The following RB1 variants were observed in gnomAD, a reference collection of about 807,000 sequenced individuals.
RB1 encodes RB transcriptional corepressor 1, also known as retinoblastoma-associated protein.
RB1 carries 18 observed loss-of-function variants against 135.4 expected under a neutral mutation model. The observed-to-expected ratio is 0.13, with a 90% confidence interval of 0.09 to 0.20. RB1 has a LOEUF of 0.20. Ranked by LOEUF, RB1 falls within the 10% of genes least tolerant of loss-of-function variation. The pLI, the probability that RB1 is intolerant of heterozygous loss-of-function variation, is 1.00. For missense variants in RB1, 868 were observed against 1,110.0 expected (o/e 0.78, Z 3.10); for synonymous variants, 365 against 373.2 (o/e 0.98, Z 0.25).
chr13:48,346,540 A>AT (rs1336088956), intron 4 of RB1, among the ~76,000 whole-genome samples: 2 of 194 alleles, frequency 0.01, no homozygotes, highest in African/African-American at 0.04. Flanking sequence ...GTTGCTTTAG[A>AT]GTTTTTTTGG....
chr13:48,395,255 A>G (rs55761026), intron 17 of RB1, among the ~76,000 whole-genome samples: 68,685 of 152,098 alleles, frequency 0.45, 19,044 homozygotes, highest in Middle Eastern at 0.6. Flanking sequence ...CATCAACATC[A>G]AAGACCAAAG....
chr13:48,336,810 T>C (rs1163552667), intron 2 of RB1, among the ~76,000 whole-genome samples: 10 of 152,108 alleles, frequency 6.6e-5, no homozygotes, highest in Non-Finnish European at 1.5e-4. Context: ...CTTTCTCTTG[T>C]GGGCATTTAG....
At chr13:48,441,787 T>C (rs1949239581) in intron 17 of RB1, among the ~76,000 whole-genome samples, 1 of 152,150 alleles carries the variant, frequency 6.6e-6, no homozygotes, top group South Asian at 2.1e-4. Context: ...TAGATTCCCA[T>C]TGGCAAAAAC....
chr13:48,480,083 C>A lies in RB1; in HGVS notation c.*12C>A, dbSNP rs1182513365. On this transcript the variant is annotated 3_prime_UTR_variant, in exon 27 of 27. Transcript: ENST00000267163. ...AGGAAGAGAAATGAGGATCTCAGGACCTTGGTGGACACTGTGTACACCTCT... is the reference window on the plus strand; with the variant it reads ...AGGAAGAGAAATGAGGATCTCAGGAACTTGGTGGACACTGTGTACACCTCT... The A allele has an allele frequency of 2.5e-6, 4 of 1,597,894 alleles. No individual in the cohort carries two copies. The highest frequency in any genetic ancestry group is 3.4e-6 in the Non-Finnish European group (4 of 1,165,974).
At chr13:48,425,908 G>C (rs1030910655) in intron 17 of RB1, among the ~76,000 whole-genome samples, 1 of 152,166 alleles carries the variant, frequency 6.6e-6, no homozygotes, top group African/African-American at 2.4e-5. Flanking sequence ...GTTGTGACTT[G>C]CTTAGGATTA....
At chr13:48,393,113 G>A (rs1175357593) in intron 17 of RB1, among the ~76,000 whole-genome samples, 3 of 152,054 alleles carry the variant, frequency 2.0e-5, no homozygotes, top group Admixed American at 2.0e-4. Context: ...AACTCTTCCT[G>A]ACCCTGTGTC....
At chr13:48,386,871 G>A (rs968214619) in intron 17 of RB1, among the ~76,000 whole-genome samples, 4 of 152,064 alleles carry the variant, frequency 2.6e-5, no homozygotes, top group Non-Finnish European at 2.9e-5. Flanking sequence ...AATCATTCAC[G>A]GGTAAGATAT....
intron 17 of RB1, chr13:48,408,785 C>A (rs937586082): frequency 4.6e-5 from 7 of 151,990 alleles, no homozygotes; most frequent in Non-Finnish European, 2.9e-5. Flanking sequence ...CAAGAGACAC[C>A]AAAAAGTTTC....
chr13:48,364,753 A>G (rs1286896937), intron 8 of RB1, 141 bp from the exon 9 acceptor site: 1 of 965,896 alleles, frequency 1.0e-6, no homozygotes, highest in African/African-American at 1.7e-5. Context: ...TAAGAAAATA[A>G]TAAAAAATAA....
At chr13:48,429,981 A>G (rs1949113259) in intron 17 of RB1, among the ~76,000 whole-genome samples, 2 of 152,262 alleles carry the variant, frequency 1.3e-5, no homozygotes, top group Non-Finnish European at 1.5e-5. Context: ...ATGCCAATCC[A>G]GTAAAAATCT....
chr13:48,395,674 AT>A (rs1948642281), intron 17 of RB1, among the ~76,000 whole-genome samples: 1 of 152,148 alleles, frequency 6.6e-6, no homozygotes, highest in South Asian at 2.1e-4. Context: ...TGATGACAAG[AT>A]TAGAGAAAAA....
intron 17 of RB1, among the ~76,000 whole-genome samples, chr13:48,447,525 A>G (rs1005288125): frequency 1.1e-4 from 16 of 152,212 alleles, no homozygotes; most frequent in African/African-American, 3.6e-4. Context: ...CCATAATAAT[A>G]TCAAATATTA....
chr13:48,327,240 A>G (rs1445860952), intron 2 of RB1, among the ~76,000 whole-genome samples: 2 of 152,082 alleles, frequency 1.3e-5, no homozygotes. Flanking sequence ...ATACTTAAGC[A>G]ATATGTACAT....
chr13:48,423,878 T>G (rs1949043418), intron 17 of RB1: 1 of 152,190 alleles, frequency 6.6e-6, no homozygotes, highest in African/African-American at 2.4e-5. Context: ...CACCTATGAA[T>G]AGCCACAGCA....
rs1280947578 is a variant in RB1, at chr13:48,397,761, T to G, written c.1695+16318T>G. On this transcript the variant is annotated intron_variant, in intron 17 of 26. Coordinates refer to ENST00000267163, the MANE Select transcript of RB1 (RefSeq NM_000321.3). ...ATAGCCCATAGTTTTAGAGTCCTGA[T>G]TCATTGACAAACTTATAAACAAAAT... Among the ~76,000 whole-genome samples the G allele has an allele frequency of 2.6e-5, 4 of 152,338 alleles. No individual in the cohort carries two copies. The East Asian group carries it at 7.7e-4, about 29-fold the overall frequency.
chr13:48,426,695 C>G (rs896531429), intron 17 of RB1: 1 of 152,218 alleles, frequency 6.6e-6, no homozygotes, highest in Non-Finnish European at 1.5e-5. Context: ...AGCAGGAACT[C>G]GAATCCTAGT....
intron 24 of RB1, among the ~76,000 whole-genome samples, chr13:48,474,826 A>T (rs1949494247): frequency 6.6e-6 from 1 of 152,166 alleles, no homozygotes; most frequent in Non-Finnish European, 1.5e-5. Flanking sequence ...CTAATTCAGC[A>T]GTCCCATATT....
At chr13:48,410,915 A>G (rs1344520730) in intron 17 of RB1, 1 of 152,590 alleles carries the variant, frequency 6.6e-6, no homozygotes, top group East Asian at 1.9e-4. Flanking sequence ...CTCCCAAAAC[A>G]TTTATTTCAA....
intron 17 of RB1, among the ~76,000 whole-genome samples, chr13:48,425,411 G>A (rs974990395): frequency 6.6e-6 from 1 of 152,180 alleles, no homozygotes. Flanking sequence ...TACAATATAT[G>A]CCTTGTGGCA....
Sources: allele counts gnomAD v4.1 joint callset (sites outside exome capture counted in the v4.1 genomes callset), GRCh38; gene constraint gnomAD v4.1.1; transcripts MANE v1.5; gene names NCBI Gene and HGNC (gene_info 2026-07-23, HGNC 2026-07-21).